The following SH3PXD2A variants were observed in gnomAD, a reference collection of about 807,000 sequenced individuals.
SH3PXD2A encodes the protein SH3 and PX domains 2A, also known as SH3 and PX domain-containing protein 2A.
Under a neutral mutation model 115.2 loss-of-function variants are expected in SH3PXD2A, and 32 were observed. The ratio of observed to expected loss-of-function variants is 0.28; its 90% CI spans 0.21 to 0.37. The LOEUF (loss-of-function observed/expected upper bound fraction) is 0.37. Among genes scored for constraint, SH3PXD2A ranks in the 10% least tolerant of loss-of-function variants. SH3PXD2A has a pLI of 1.00. For missense variants in SH3PXD2A, 1,328 were observed against 1,498.7 expected (o/e 0.89, Z 1.88); for synonymous variants, 610 against 629.1 (o/e 0.97, Z 0.45).
intron 5 of SH3PXD2A, among the ~76,000 whole-genome samples, chr10:103,707,288 C>A (rs1003424922): frequency 6.6e-6 from 1 of 151,974 alleles, no homozygotes; most frequent in African/African-American, 2.4e-5. Context: ...CCTCCGCCTC[C>A]GGGTTCAAGT....
At chr10:103,808,952 C>G (rs1005544268) in intron 1 of SH3PXD2A, among the ~76,000 whole-genome samples, 5 of 152,220 alleles carry the variant, frequency 3.3e-5, no homozygotes, top group African/African-American at 1.2e-4. Flanking sequence ...CACTTGGAGA[C>G]TGTCCCCATT....
At chr10:103,788,447 G>A (rs2039000965) in intron 2 of SH3PXD2A, among the ~76,000 whole-genome samples, 2 of 152,208 alleles carry the variant, frequency 1.3e-5, no homozygotes, top group African/African-American at 4.8e-5. Context: ...TGGAGAGCCT[G>A]ATGTCATCCA....
At position 103,662,818 on chromosome 10, in the gene SH3PXD2A, G is replaced by GT. The variant is rs568602049; in HGVS notation, c.473-1705dup. Reference sequence around the variant, plus strand: ...CAAAGGGAATTCCTAGTATACTTTTGTTTTTTTTGAGACAGGGTCTTTGTT... The same window carrying GT: ...CAAAGGGAATTCCTAGTATACTTTTGTTTTTTTTTGAGACAGGGTCTTTGTT... On this transcript the variant is annotated intron_variant, in intron 7 of 14. Transcript: ENST00000369774. Among the ~76,000 whole-genome samples, 41 of 151,950 alleles carry GT rather than the reference G, an allele frequency of 2.7e-4. No homozygotes were observed. The South Asian group carries it at 7.5e-3, about 28-fold the overall frequency.
chr10:103,813,270 G>C lies in SH3PXD2A; in HGVS notation c.73-11908C>G, dbSNP rs538859061. Among the ~76,000 whole-genome samples, 3 of 152,296 alleles carry C rather than the reference G, an allele frequency of 2.0e-5. No individual in the cohort carries two copies. The South Asian group carries it at 6.2e-4, about 32-fold the overall frequency. On this transcript the variant is annotated intron_variant, in intron 1 of 14. Transcript: ENST00000369774. ...TCATGGTTATTTGCATGGAATGAGA[G>C]AGAGGAGAAATGGGAACAGTTTTGC...
chr10:103,729,915 GTC>G (rs2038293978), intron 4 of SH3PXD2A, among the ~76,000 whole-genome samples: 1 of 152,206 alleles, frequency 6.6e-6, no homozygotes, highest in South Asian at 2.1e-4. Context: ...AGCACTGAGT[GTC>G]ATCATGGCCA....
At chr10:103,738,483 A>G (rs1419170386) in intron 3 of SH3PXD2A, among the ~76,000 whole-genome samples, 1 of 152,130 alleles carries the variant, frequency 6.6e-6, no homozygotes, top group East Asian at 1.9e-4. Context: ...GTTTGTCAGA[A>G]GCTGAGGGAT....
chr10:103,606,475 C>CTCCCCT (rs932781814), intron 13 of SH3PXD2A, among the ~76,000 whole-genome samples: 1 of 149,030 alleles, frequency 6.7e-6, no homozygotes, highest in Non-Finnish European at 1.5e-5. Flanking sequence ...CCCCCTCCCC[C>CTCCCCT]TCCCCTTCCC....
Position 103,617,205 on chromosome 10 carries a change from C to G in SH3PXD2A, c.912G>C (p.Trp304Cys). The part of the protein sequence containing the change: ...EVIRKNLEGW[W>C]YIRYLGKEGW... Reference sequence around the variant, plus strand: ...ATGTAAGGGTTCCCTACCTGATATACCACCAGCCTTCCAGATTCTTCCGGA... The same window carrying G: ...ATGTAAGGGTTCCCTACCTGATATAGCACCAGCCTTCCAGATTCTTCCGGA... Residue 304 changes from tryptophan (W) to cysteine (C), a missense_variant, in exon 11 of 15, where the codon TGG (tryptophan) becomes TGC (cysteine). Transcript: ENST00000369774. 1 of 1,611,618 alleles carries G rather than the reference C, an allele frequency of 6.2e-7. No individual in the cohort carries two copies. The highest frequency in any genetic ancestry group is 8.5e-7 in the Non-Finnish European group (1 of 1,177,692).
At chr10:103,660,829 C>T (rs1216844682) in intron 8 of SH3PXD2A, among the ~76,000 whole-genome samples, 154 bp downstream of exon 8, 1 of 152,250 alleles carries the variant, frequency 6.6e-6, no homozygotes, top group Admixed American at 6.5e-5. Flanking sequence ...CAGCCCAAAC[C>T]AACAGGGGGA....
intron 5 of SH3PXD2A, among the ~76,000 whole-genome samples, chr10:103,696,436 T>C (rs2037824808): frequency 6.6e-6 from 1 of 152,078 alleles, no homozygotes; most frequent in South Asian, 2.1e-4. Flanking sequence ...CCAGTTCCAG[T>C]CTGGCAGGAC....
At chr10:103,748,100 T>C (rs896984530) in intron 3 of SH3PXD2A, among the ~76,000 whole-genome samples, 40 of 152,220 alleles carry the variant, frequency 2.6e-4, no homozygotes, top group Admixed American at 1.9e-3. Flanking sequence ...GTAACATTCA[T>C]TGAGCACTTG....
At chr10:103,778,582 C>T (rs1419255520) in intron 2 of SH3PXD2A, among the ~76,000 whole-genome samples, 1 of 152,222 alleles carries the variant, frequency 6.6e-6, no homozygotes, top group East Asian at 1.9e-4. Context: ...GTAGAAACAG[C>T]GCCCCATGGC....
In SH3PXD2A at chr10:103,602,619, C is replaced by T; in HGVS notation, c.2599G>A (p.Val867Met). ...CTCTCCTGCTTCTCCAGCACCTGCA[C>T]CTCCACGCCCGCGGGGAAGCTGATC... ...SEISFPAGVE[V>M]QVLEKQESGW... is the part of the protein sequence containing the mutation. Residue 867 changes from valine (V) to methionine (M), a missense_variant, in exon 15 of 15, where the codon GTG (valine) becomes ATG (methionine). Physicochemically the swap from Val to Met is conservative, Grantham distance 21. Coordinates refer to ENST00000369774, the MANE Select transcript of SH3PXD2A (RefSeq NM_001394015.1). 5.0e-6 allele frequency: 8 copies of T among 1,614,218 alleles called. No homozygotes were observed. The East Asian group carries it at 8.9e-5, about 18-fold the overall frequency.
At chr10:103,660,227 C>T (rs2037271907) in intron 8 of SH3PXD2A, among the ~76,000 whole-genome samples, 2 of 152,308 alleles carry the variant, frequency 1.3e-5, no homozygotes, top group Admixed American at 6.5e-5. Context: ...CAGCCCTGGC[C>T]CTGTTGGGGG....
At chr10:103,773,240 AAG>A (rs1554921978) in intron 2 of SH3PXD2A, among the ~76,000 whole-genome samples, 1 of 129,406 alleles carries the variant, frequency 7.7e-6, no homozygotes, top group East Asian at 1.9e-4. Context: ...AAAAAAAAAA[AAG>A]AGAAAAAAAG....
intron 4 of SH3PXD2A, among the ~76,000 whole-genome samples, chr10:103,728,884 T>TG (rs397716472): frequency 1.5e-5 from 2 of 133,668 alleles, no homozygotes; most frequent in East Asian, 4.3e-4. Context: ...TTGTTTTTTT[T>TG]GTTTGTTTGT....
intron 7 of SH3PXD2A, among the ~76,000 whole-genome samples, chr10:103,664,594 A>T (rs565963752): frequency 6.6e-6 from 1 of 151,996 alleles, no homozygotes; most frequent in East Asian, 1.9e-4. Context: ...TCCCTAGGGA[A>T]GGGCCCATTA....
chr10:103,607,265 C>T (rs1382077504), intron 13 of SH3PXD2A, among the ~76,000 whole-genome samples: 1 of 151,628 alleles, frequency 6.6e-6, no homozygotes, highest in Non-Finnish European at 1.5e-5. Context: ...CTGGCAACCG[C>T]CCCGTCTGAG....
chr10:103,620,262 C>T lies in SH3PXD2A; in HGVS notation c.802+2208G>A, dbSNP rs941646329. Among the ~76,000 whole-genome samples, 1 of 152,192 alleles carries T rather than the reference C, an allele frequency of 6.6e-6. No homozygotes were observed. The highest frequency in any genetic ancestry group is 2.1e-4 in the South Asian group (1 of 4,830). The stretch of plus-strand genomic sequence containing the variant: ...GCACTGGGGCCGTGAACACTGACCA[C>T]GCCACCAGGAGACGGTGGCAGCCTG... On this transcript the variant is annotated intron_variant, in intron 10 of 14. Coordinates refer to ENST00000369774, the MANE Select transcript of SH3PXD2A (RefSeq NM_001394015.1). This position sits in a 1 kb window ranked among gnomAD's most constrained non-coding sequence, Gnocchi z 5.3.
Sources: gnomAD v4.1 joint callset for allele counts (sites outside exome capture counted in the v4.1 genomes callset) on GRCh38, gnomAD v4.1.1 for gene constraint, Gnocchi (gnomAD v3.1) non-coding constraint, MANE v1.5 for transcripts, NCBI Gene and HGNC (gene_info 2026-07-23, HGNC 2026-07-21) for gene names.